The following HAT1 variants were observed in gnomAD, a reference collection of about 807,000 sequenced individuals.
HAT1 encodes histone acetyltransferase type B catalytic subunit.
In HAT1, 20 loss-of-function variants were observed where a neutral mutation model predicts 56.6. That is an observed-to-expected ratio of 0.35 (90% CI 0.25 to 0.51). The LOEUF (loss-of-function observed/expected upper bound fraction) is 0.51. Ranked by LOEUF, HAT1 falls within the 20% of genes least tolerant of loss-of-function variation. The probability of loss-of-function intolerance (pLI) is 0.95; values close to 1 mark genes in which losing one functional copy is unlikely to be tolerated. For synonymous variants in HAT1, 146 were observed against 165.5 expected (o/e 0.88, Z 0.91); for missense variants, 408 against 504.3 (o/e 0.81, Z 1.83).
rs201236719 is a variant in HAT1 at position 171,922,516 on chromosome 2, C to G, written c.7+9C>G. 1 of 1,318,098 alleles carries G rather than the reference C, an allele frequency of 7.6e-7. No homozygotes were observed. The highest frequency in any genetic ancestry group is 9.8e-7 in the Non-Finnish European group (1 of 1,024,118). 81.7% of individuals were successfully genotyped at this position (1,318,098 alleles called of 1,614,324 possible). ...TAGCTCGGAAATGGCGGGTAAGTTA[C>G]CGGGAAAAGTTTACCAAGGGGAGGA... On this transcript the variant is annotated intron_variant, in intron 1 of 10. Transcript: ENST00000264108.
chr2:171,964,128 T>C (rs1687634498), intron 4 of HAT1, among the ~76,000 whole-genome samples: 1 of 152,172 alleles, frequency 6.6e-6, no homozygotes. Flanking sequence ...TGCTTCTACT[T>C]AGTTAAAAGA....
At chr2:171,948,726 A>G (rs1687232074) in intron 3 of HAT1, among the ~76,000 whole-genome samples, 1 of 152,190 alleles carries the variant, frequency 6.6e-6, no homozygotes. Context: ...TTTGTAGGGT[A>G]TAGGCTAATT....
chr2:171,959,253 C>A (rs1322980821), intron 4 of HAT1, among the ~76,000 whole-genome samples: 1 of 152,138 alleles, frequency 6.6e-6, no homozygotes, highest in Non-Finnish European at 1.5e-5. Context: ...TTGCTAAATT[C>A]TCCAGACCCA....
chr2:171,969,786 GT>G (rs1290125418), intron 8 of HAT1, among the ~76,000 whole-genome samples: 1 of 152,116 alleles, frequency 6.6e-6, no homozygotes, highest in Non-Finnish European at 1.5e-5. Context: ...GGCCTGAGTA[GT>G]TTTTCTCAAC....
intron 2 of HAT1, among the ~76,000 whole-genome samples, chr2:171,936,538 A>G (rs1375543454): frequency 6.6e-6 from 1 of 152,204 alleles, no homozygotes; most frequent in East Asian, 1.9e-4. Flanking sequence ...ATACTACTGT[A>G]TAATACAGGG....
chr2:171,952,792 C>A, intron 3 of HAT1, 89 bp from the exon 4 acceptor site: 2 of 675,050 alleles, frequency 3.0e-6, no homozygotes, highest in Non-Finnish European at 4.7e-6. Flanking sequence ...TTGAAACTAC[C>A]CATGAAGTTA....
intron 10 of HAT1, among the ~76,000 whole-genome samples, chr2:171,982,371 C>A (rs1688153252): frequency 6.6e-6 from 1 of 152,134 alleles, no homozygotes; most frequent in African/African-American, 2.4e-5. Flanking sequence ...TGGAGTTATT[C>A]TTCATTCTTC....
intron 8 of HAT1, among the ~76,000 whole-genome samples, chr2:171,975,145 C>T (rs1251462355): frequency 6.6e-6 from 1 of 150,552 alleles, no homozygotes; most frequent in African/African-American, 2.5e-5. Flanking sequence ...CACTCTGTTG[C>T]CCAGGCAGGA....
chr2:171,949,171 CTTAT>C (rs971964841), intron 3 of HAT1, among the ~76,000 whole-genome samples: 11 of 151,880 alleles, frequency 7.2e-5, no homozygotes, highest in African/African-American at 7.3e-5. Context: ...TCTTCTTCTT[CTTAT>C]TTATTTCTTT....
chr2:171,940,219 T>G (rs978164458), intron 2 of HAT1, among the ~76,000 whole-genome samples: 2 of 152,240 alleles, frequency 1.3e-5, no homozygotes, highest in Non-Finnish European at 1.5e-5. Flanking sequence ...CAGTGTGGTA[T>G]TGGTTGGCAA....
In HAT1 at chr2:171,983,266, A is replaced by G. The variant is rs753027670; in HGVS notation, c.1174A>G (p.Ser392Gly). 6.2e-7 allele frequency: 1 copy of G among 1,603,568 alleles called. No homozygotes were observed. The highest frequency in any genetic ancestry group is 2.2e-5 in the East Asian group (1 of 44,778). The stretch of plus-strand genomic sequence containing the variant: ...AAACCAGATGAACCAAATAGAAATA[A>G]GCATGCAACATGAACAGCTGGAAGA... Reference protein sequence around the residue: ...LTNQMNQIEISMQHEQLEESF... With the variant: ...LTNQMNQIEIGMQHEQLEESF... The change falls in exon 11 of 11, where the codon AGC becomes GGC. Residue 392 changes from serine (S) to glycine (G), a missense_variant. Coordinates refer to ENST00000264108, the MANE Select transcript of HAT1 (RefSeq NM_003642.4).
chr2:171,970,623 A>G lies in HAT1; in HGVS notation c.823+3674A>G, dbSNP rs183259978. On this transcript the variant is annotated intron_variant, in intron 8 of 10. Coordinates refer to ENST00000264108, the MANE Select transcript of HAT1 (RefSeq NM_003642.4). ...CAACCTCCACCTCCCGGGTTCAAGC[A>G]ATTCTCCTGCCTCAGCCTCCCAAGT... 4.0e-4 allele frequency among the ~76,000 whole-genome samples: 55 copies of G among 138,436 alleles called. 3 individuals carry two copies. The highest frequency in any genetic ancestry group is 1.5e-3 in the African/African-American group (54 of 36,178). The allele number at this position is 138,436 out of a possible 152,430, so 90.8% of individuals were successfully genotyped here.
At position 171,973,285 on chromosome 2, in the gene HAT1, T is replaced by C. The variant is rs1323922674; in HGVS notation, c.824-2872T>C. Among the ~76,000 whole-genome samples, 3 of 152,034 alleles carry C rather than the reference T, an allele frequency of 2.0e-5. No individual in the cohort carries two copies. The East Asian group carries it at 5.8e-4, about 29-fold the overall frequency. ...GGCAAAGCAGCACCTCAACCACATA[T>C]GAGTCTTGAAATCAGAAGTGAAAGT... On this transcript the variant is annotated intron_variant, in intron 8 of 10. Transcript: ENST00000264108.
intron 4 of HAT1, among the ~76,000 whole-genome samples, chr2:171,959,926 A>G (rs1042664931): frequency 1.3e-5 from 2 of 152,242 alleles, no homozygotes; most frequent in Non-Finnish European, 2.9e-5. Context: ...CTCTAAAAAT[A>G]CAGCATTTTT....
intron 9 of HAT1, among the ~76,000 whole-genome samples, chr2:171,977,208 G>A (rs1468408445): frequency 6.6e-6 from 1 of 150,480 alleles, no homozygotes; most frequent in Non-Finnish European, 1.5e-5. Flanking sequence ...CGGGCGAGGT[G>A]GCTCACGCCT....
chr2:171,930,705 C>A (rs2105965298), intron 2 of HAT1, among the ~76,000 whole-genome samples: 1 of 152,192 alleles, frequency 6.6e-6, no homozygotes, highest in East Asian at 1.9e-4. Context: ...GCCTTGACTT[C>A]CCAGGCTCAA....
intron 8 of HAT1, among the ~76,000 whole-genome samples, chr2:171,972,726 A>G (rs576330459): frequency 2.0e-4 from 30 of 152,318 alleles, no homozygotes; most frequent in Non-Finnish European, 3.7e-4. Flanking sequence ...ATCTGCTCCT[A>G]TATAGTCCAT....
intron 10 of HAT1, 117 bp from the exon 11 acceptor site, chr2:171,983,068 G>T: frequency 1.8e-6 from 1 of 558,666 alleles, no homozygotes; most frequent in Non-Finnish European, 3.1e-6. Flanking sequence ...AACATTGTGG[G>T]ACAAGTTTGG....
chr2:171,933,909 A>C (rs140323210), intron 2 of HAT1, among the ~76,000 whole-genome samples: 3,352 of 152,308 alleles, frequency 0.022, 55 homozygotes, highest in Middle Eastern at 0.037. Flanking sequence ...AAATTGACTT[A>C]ATAGTATTAA....
Sources: allele counts gnomAD v4.1 joint callset (sites outside exome capture counted in the v4.1 genomes callset), GRCh38; gene constraint gnomAD v4.1.1; transcripts MANE v1.5; gene names NCBI Gene and HGNC (gene_info 2026-07-23, HGNC 2026-07-21).